Variants in R3HDM2 observed in about 807,000 individuals in gnomAD.
The protein encoded by R3HDM2 is R3H domain containing 2, also known as R3H domain-containing protein 2.
A neutral mutation model predicts 124.5 loss-of-function variants in R3HDM2; 38 were observed. The observed-to-expected ratio is 0.31, with a 90% CI of 0.24 to 0.40. The LOEUF is 0.40. Ranked by LOEUF, R3HDM2 falls within the 10% of genes least tolerant of loss-of-function variation. R3HDM2 has a pLI of 1.00. For missense variants in R3HDM2, 869 were observed against 1,236.9 expected (o/e 0.70, Z 4.46); for synonymous variants, 391 against 448.0 (o/e 0.87, Z 1.61).
intron 2 of R3HDM2, among the ~76,000 whole-genome samples, chr12:57,384,084 G>A (rs1239358798): frequency 2.6e-5 from 4 of 152,082 alleles, no homozygotes; most frequent in Non-Finnish European, 5.9e-5. Flanking sequence ...GAAACAGGCC[G>A]GGCGCAGTGG....
intron 2 of R3HDM2, among the ~76,000 whole-genome samples, chr12:57,355,456 C>CAAA (rs1275868390): frequency 3.9e-5 from 2 of 51,156 alleles, no homozygotes; most frequent in African/African-American, 1.4e-4. Flanking sequence ...GAGACTGTCT[C>CAAA]AAAAAAAAAA....
chr12:57,269,020 G>C lies in R3HDM2; in HGVS notation c.1777C>G (p.Gln593Glu), dbSNP rs2043050437. ...AAYQGMIGVQ[Q>E]PQNQGLLSSQ... ...CTGAGCAGGCCCTGGTTCTGTGGCTGCTGGACCCCAATCATGCCTTGGTAA... is the reference window on the plus strand; with the variant it reads ...CTGAGCAGGCCCTGGTTCTGTGGCTCCTGGACCCCAATCATGCCTTGGTAA... Residue 593 changes from glutamine (Q) to glutamate (E), a missense_variant, in exon 17 of 24, where the codon CAG becomes GAG. By Grantham distance (29) the Gln-to-Glu change is conservative. Coordinates refer to ENST00000402412, the MANE Select transcript of R3HDM2 (RefSeq NM_001394031.1). 6.8e-6 allele frequency: 11 copies of C among 1,614,214 alleles called. No homozygotes were observed. The highest frequency in any genetic ancestry group is 1.6e-4 in the Middle Eastern group (1 of 6,062).
At position 57,296,999 on chromosome 12, in the gene R3HDM2, A is replaced by T; in HGVS notation, c.560+329T>A. ...GAACCCAGGAGGCAGAATTGCAGTG[A>T]GTCAAGACTGTACCACGGCGCTCCA... is the stretch of plus-strand genomic sequence containing the variant. On this transcript the variant is annotated intron_variant, in intron 8 of 23. Coordinates refer to ENST00000402412, the MANE Select transcript of R3HDM2 (RefSeq NM_001394031.1). This position sits in a 1 kb window ranked among gnomAD's most constrained non-coding sequence, Gnocchi z 4.5. 1 of 250,536 alleles carries T rather than the reference A, an allele frequency of 4.0e-6. No homozygotes were observed. The highest frequency in any genetic ancestry group is 7.6e-6 in the Non-Finnish European group (1 of 130,738). The allele number at this position is 250,536 out of a possible 1,614,324, so 15.5% of individuals were successfully genotyped here.
intron 2 of R3HDM2, among the ~76,000 whole-genome samples, chr12:57,338,968 T>C (rs2059215544): frequency 6.6e-6 from 1 of 152,144 alleles, no homozygotes; most frequent in African/African-American, 2.4e-5. Context: ...ACTCTTTTAA[T>C]CCTCAAAACA....
chr12:57,293,549 T>C (rs2049085305), intron 10 of R3HDM2, among the ~76,000 whole-genome samples: 2 of 152,176 alleles, frequency 1.3e-5, no homozygotes, highest in Non-Finnish European at 2.9e-5. Flanking sequence ...TAAATCCTCA[T>C]CATGATCTTT....
At chr12:57,358,455 G>A (rs1459907275) in intron 2 of R3HDM2, among the ~76,000 whole-genome samples, 1 of 151,878 alleles carries the variant, frequency 6.6e-6, no homozygotes, top group East Asian at 1.9e-4. Context: ...TGGCCAATAT[G>A]GCAAAACCCT....
Position 57,259,069 on chromosome 12 carries a change from A to C in R3HDM2, c.2132-10T>G. 1 of 1,605,776 alleles carries C rather than the reference A, an allele frequency of 6.2e-7. No homozygotes were observed. The highest frequency in any genetic ancestry group is 8.5e-7 in the Non-Finnish European group (1 of 1,176,938). ...CCAGAAGGTGACACTCCTGAAGGGC[A>C]GGAAGAAAGCAGTTGGTTACAAATT... is the stretch of plus-strand genomic sequence containing the variant. On this transcript the variant is annotated splice_polypyrimidine_tract_variant and intron_variant, in intron 19 of 23. Coordinates refer to ENST00000402412, the MANE Select transcript of R3HDM2 (RefSeq NM_001394031.1).
intron 2 of R3HDM2, among the ~76,000 whole-genome samples, chr12:57,371,270 C>T (rs985804806): frequency 8.0e-5 from 12 of 150,804 alleles, no homozygotes; most frequent in Non-Finnish European, 1.2e-4. Flanking sequence ...ACAGGAGTAG[C>T]TGTGTATTCA....
intron 1 of R3HDM2, among the ~76,000 whole-genome samples, chr12:57,421,387 T>C (rs1453825351): frequency 6.6e-6 from 1 of 150,820 alleles, no homozygotes; most frequent in Non-Finnish European, 1.5e-5. Flanking sequence ...CGACCTCAGG[T>C]GATCCGCCCA....
chr12:57,258,769 C>T, intron 20 of R3HDM2, 121 bp downstream of exon 20: 1 of 954,336 alleles, frequency 1.0e-6, no homozygotes, highest in Non-Finnish European at 1.5e-6. Flanking sequence ...TCCTGTGTTT[C>T]TCCCCAGAAA....
chr12:57,342,786 G>A (rs558197182), intron 2 of R3HDM2, among the ~76,000 whole-genome samples: 1 of 152,272 alleles, frequency 6.6e-6, no homozygotes, highest in East Asian at 1.9e-4. Context: ...TTGCCTAAAA[G>A]CTACTGGGCT....
At chr12:57,346,146 A>C (rs1465641321) in intron 2 of R3HDM2, among the ~76,000 whole-genome samples, 3 of 147,858 alleles carry the variant, frequency 2.0e-5, no homozygotes, top group Non-Finnish European at 4.5e-5. Flanking sequence ...AACAAGAGCA[A>C]AACTCCGTCT....
intron 2 of R3HDM2, among the ~76,000 whole-genome samples, chr12:57,380,990 G>C (rs2064786132): frequency 6.6e-6 from 1 of 152,054 alleles, no homozygotes; most frequent in Non-Finnish European, 1.5e-5. Context: ...AGCACTTTCG[G>C]AGGCAGAGAC....
chr12:57,259,706 AT>A (rs2040169511), intron 19 of R3HDM2, among the ~76,000 whole-genome samples: 1 of 152,206 alleles, frequency 6.6e-6, no homozygotes, highest in African/African-American at 2.4e-5. Context: ...ACAAACTCTT[AT>A]TGAACATTTG....
At chr12:57,426,614 ACCTCAAG>A (rs1277739948) in intron 1 of R3HDM2, among the ~76,000 whole-genome samples, 1 of 152,186 alleles carries the variant, frequency 6.6e-6, no homozygotes, top group Non-Finnish European at 1.5e-5. Flanking sequence ...ACATGAACAA[ACCTCAAG>A]GGAAGAGCAT....
At position 57,348,206 on chromosome 12, in the gene R3HDM2, T is replaced by C. The variant is rs79060653; in HGVS notation, c.-35-37743A>G. Reference sequence around the variant, plus strand: ...TGGGAGGCTGAAGCCTAAGGATCGATTGAGCCCAGGAGTTCAAGATCAGCC... The same window carrying C: ...TGGGAGGCTGAAGCCTAAGGATCGACTGAGCCCAGGAGTTCAAGATCAGCC... On this transcript the variant is annotated intron_variant, in intron 2 of 23. Coordinates refer to ENST00000402412, the MANE Select transcript of R3HDM2 (RefSeq NM_001394031.1). Among the ~76,000 whole-genome samples the C allele has an allele frequency of 2.1e-3, 326 of 152,298 alleles. 9 individuals carry two copies. In the East Asian group the frequency reaches 0.05, roughly 23 times the overall value.
At chr12:57,271,990 G>T (rs1383244555) in intron 14 of R3HDM2, among the ~76,000 whole-genome samples, 2 of 151,938 alleles carry the variant, frequency 1.3e-5, no homozygotes, top group Non-Finnish European at 2.9e-5. Flanking sequence ...AGCCTCTCAG[G>T]TTCAAGCGAT....
At chr12:57,410,340 AAAC>A (rs1488444724) in intron 1 of R3HDM2, among the ~76,000 whole-genome samples, 25 of 151,686 alleles carry the variant, frequency 1.6e-4, no homozygotes, top group African/African-American at 5.8e-4. Context: ...AAAAAAAAAA[AAAC>A]TTCACATTTC....
At chr12:57,359,783 ATG>A (rs1319853041) in intron 2 of R3HDM2, among the ~76,000 whole-genome samples, 1 of 151,864 alleles carries the variant, frequency 6.6e-6, no homozygotes, top group East Asian at 1.9e-4. Flanking sequence ...AAGCATTCTT[ATG>A]ATTCAATTTT....
Sources: gnomAD v4.1 joint callset for allele counts (sites outside exome capture counted in the v4.1 genomes callset) on GRCh38, gnomAD v4.1.1 for gene constraint, Gnocchi (gnomAD v3.1) non-coding constraint, MANE v1.5 for transcripts, NCBI Gene and HGNC (gene_info 2026-07-23, HGNC 2026-07-21) for gene names.